Variants in VIM observed in about 807,000 individuals in gnomAD.
VIM encodes vimentin.
A neutral mutation model predicts 50.3 loss-of-function variants in VIM; 18 were observed. The ratio of observed to expected loss-of-function variants is 0.36; its 90% CI spans 0.25 to 0.53. The LOEUF is 0.53. Ranked by LOEUF, VIM falls within the 20% of genes least tolerant of loss-of-function variation. The pLI is 0.91. For synonymous variants in VIM, 245 were observed against 248.5 expected, an observed-to-expected ratio of 0.99 and a Z score of 0.13; for missense variants, 551 against 614.7, an observed-to-expected ratio of 0.90 and a Z score of 1.10.
At position 17,229,414 on chromosome 10, in the gene VIM, T is replaced by C; in HGVS notation, c.-9T>C. The C allele has an allele frequency of 6.3e-7, 1 of 1,599,126 alleles. No homozygotes were observed. On this transcript the variant is annotated 5_prime_UTR_variant, in exon 2 of 10. Transcript: ENST00000544301. ...GCCGCCGCCCAGGCCATCGCCACCC[T>C]CCGCAGCCATGTCCACCAGGTCCGT...
rs1846714795 is a variant in VIM, at chr10:17,228,358, GT to G, written c.-313del. On this transcript the variant is annotated 5_prime_UTR_variant, in exon 1 of 10. Transcript: ENST00000544301. ...TTATTAAAAACTTAGGGGCGCTCTT[GT>G]CCCCCACAGGGCCCGACCGCACACA... is the stretch of plus-strand genomic sequence containing the variant. 6.6e-6 allele frequency: 1 copy of G among 152,210 alleles called. No homozygotes were observed. The highest frequency in any genetic ancestry group is 2.4e-5 in the African/African-American group (1 of 41,442). 9.4% of individuals were successfully genotyped at this position (152,210 alleles called of 1,614,324 possible).
rs746924511 is a variant in VIM at position 17,229,944 on chromosome 10, G to C, written c.522G>C (p.Glu174Asp). The C allele has an allele frequency of 6.8e-6, 11 of 1,612,880 alleles. No individual in the cohort carries two copies. The highest frequency in any genetic ancestry group is 9.3e-6 in the Non-Finnish European group (11 of 1,179,830). The change falls in exon 2 of 10, where the codon GAG (glutamate) becomes GAC (aspartate). Residue 174 changes from glutamate (E) to aspartate (D), a missense_variant. By Grantham distance (45) the Glu-to-Asp change is conservative. Around this residue, in one of 3 missense-constraint regions of VIM, gnomAD observed 394 missense variants for 437.5 expected, o/e 0.90. Transcript: ENST00000544301. ...LTNDKARVEV[E>D]RDNLAEDIMR... ...ACGACAAAGCCCGCGTCGAGGTGGA[G>C]CGCGACAACCTGGCCGAGGACATCA...
chr10:17,230,271 C>T (rs575662812), intron 2 of VIM: 12 of 579,278 alleles, frequency 2.1e-5, no homozygotes, highest in Middle Eastern at 4.7e-4. Context: ...CAGTTGAAGG[C>T]CCTTGGGCAC....
intron 8 of VIM, 155 bp downstream of exon 8, chr10:17,236,044 GC>G: frequency 2.5e-6 from 2 of 806,176 alleles, no homozygotes; most frequent in Non-Finnish European, 4.1e-6. Flanking sequence ...GTACACTCTT[GC>G]ATTCTATGCT....
intron 5 of VIM, chr10:17,234,140 G>A (rs911920518): frequency 3.4e-6 from 2 of 590,600 alleles, no homozygotes; most frequent in Non-Finnish European, 5.7e-6. Context: ...TTATGAGACA[G>A]AGTCTTGCTC....
intron 3 of VIM, chr10:17,233,210 A>C (rs1283052094): frequency 3.3e-6 from 1 of 300,608 alleles, no homozygotes; most frequent in Admixed American, 4.8e-5. Flanking sequence ...AGCCTCCCAA[A>C]GTGCTGGGAT....
In VIM at chr10:17,235,507, T is replaced by C; in HGVS notation, c.1229+118T>C. On this transcript the variant is annotated intron_variant, in intron 7 of 9. Coordinates refer to ENST00000544301, the MANE Select transcript of VIM (RefSeq NM_003380.5). ...AGAAAGTTTCTTTGAGGTAACTGCT[T>C]TCCACTTTTTGTAGAGGAGGAATTT... The C allele has an allele frequency of 2.7e-6, 3 of 1,127,520 alleles. No individual in the cohort carries two copies. In the South Asian group the frequency reaches 3.9e-5, roughly 15 times the overall value. 69.8% of individuals were successfully genotyped at this position (1,127,520 alleles called of 1,614,324 possible).
At chr10:17,235,922 C>G (rs894650432) in intron 8 of VIM, 33 bp downstream of exon 8, 11 of 1,596,550 alleles carry the variant, frequency 6.9e-6, no homozygotes, top group Admixed American at 5.0e-5. Context: ...GGAAAAACGT[C>G]AGCTGCTTGT....
intron 1 of VIM, 185 bp from the exon 2 acceptor site, chr10:17,229,091 C>T: frequency 2.1e-6 from 1 of 470,704 alleles, no homozygotes; most frequent in Non-Finnish European, 3.8e-6. Context: ...GCTGAAGTAA[C>T]GGGACCATGC....
intron 1 of VIM, chr10:17,228,948 G>C (rs1008858094): frequency 8.7e-5 from 15 of 171,602 alleles, no homozygotes; most frequent in South Asian, 5.3e-4. Context: ...CCTTTGGCGT[G>C]GTGCCACCGG....
rs754236131 is a variant in VIM at position 17,229,529 on chromosome 10, G to C, written c.107G>C (p.Arg36Pro). 42 of 1,608,058 alleles carry C rather than the reference G, an allele frequency of 2.6e-5. No homozygotes were observed. The highest frequency in any genetic ancestry group is 3.0e-5 in the Non-Finnish European group (35 of 1,179,112). Residue 36 changes from arginine to proline, a missense_variant, in exon 2 of 10, where the codon CGC becomes CCC. By Grantham distance (103) the Arg-to-Pro change is moderately radical. Coordinates refer to ENST00000544301, the MANE Select transcript of VIM (RefSeq NM_003380.5). ...SSRSYVTTST[R>P]TYSLGSALRP... is the part of the protein sequence containing the mutation. Reference sequence around the variant, plus strand: ...CGGAGCTACGTGACTACGTCCACCCGCACCTACAGCCTGGGCAGCGCGCTG... The same window carrying C: ...CGGAGCTACGTGACTACGTCCACCCCCACCTACAGCCTGGGCAGCGCGCTG...
chr10:17,236,401 A>T (rs779811865), intron 9 of VIM, 22 bp downstream of exon 9: 146 of 1,543,700 alleles, frequency 9.5e-5, no homozygotes, highest in Non-Finnish European at 1.2e-4. Flanking sequence ...TTAAGGAAAA[A>T]ATAGGGTAAT....
At chr10:17,233,994 C>T (rs564320708) in intron 5 of VIM, 63 bp downstream of exon 5, 1 of 1,556,402 alleles carries the variant, frequency 6.4e-7, no homozygotes, top group South Asian at 1.2e-5. Context: ...AACCCCATAC[C>T]TGTGTGTGAT....
chr10:17,229,376 A>G lies in VIM; in HGVS notation c.-47A>G. ...CTCGTTCGCCTCTTCTCCGGGAGCC[A>G]GTCCGCGCCACCGCCGCCGCCCAGG... On this transcript the variant is annotated 5_prime_UTR_variant, in exon 2 of 10. Coordinates refer to ENST00000544301, the MANE Select transcript of VIM (RefSeq NM_003380.5). The G allele has an allele frequency of 2.6e-6, 4 of 1,552,646 alleles. No individual in the cohort carries two copies. The highest frequency in any genetic ancestry group is 3.5e-6 in the Non-Finnish European group (4 of 1,154,252).
rs377349430 is a variant in VIM, at chr10:17,233,817, C to T, written c.768C>T (p.Ile256=). ...QAQIQEQHVQ[I]DVDVSKPDLT... is the part of the protein sequence containing the mutation. ...AGATTCAGGAACAGCATGTCCAAATCGATGTGGATGTTTCCAAGCCTGACC... is the reference window on the plus strand; with the variant it reads ...AGATTCAGGAACAGCATGTCCAAATTGATGTGGATGTTTCCAAGCCTGACC... The change falls in exon 5 of 10, where the codon ATC becomes ATT. Residue 256 remains isoleucine (I), a synonymous_variant. Transcript: ENST00000544301. 38 of 1,614,122 alleles carry T rather than the reference C, an allele frequency of 2.4e-5. No individual in the cohort carries two copies. Among genetic ancestry groups the T allele is most frequent in the Middle Eastern group, 1.6e-4 (1 of 6,062 alleles).
At position 17,233,819 on chromosome 10, in the gene VIM, A is replaced by T; in HGVS notation, c.770A>T (p.Asp257Val). The change falls in exon 5 of 10, where the codon GAT becomes GTT. Residue 257 changes from aspartate (D) to valine (V), a missense_variant. This residue lies in a region of VIM where 394 missense variants were observed against 437.5 expected (regional missense o/e 0.90). Coordinates refer to ENST00000544301, the MANE Select transcript of VIM (RefSeq NM_003380.5). ...ATTCAGGAACAGCATGTCCAAATCG[A>T]TGTGGATGTTTCCAAGCCTGACCTC... ...AQIQEQHVQI[D>V]VDVSKPDLTA... is the part of the protein sequence containing the mutation. 6.2e-7 allele frequency: 1 copy of T among 1,614,200 alleles called. No homozygotes were observed. The highest frequency in any genetic ancestry group is 8.5e-7 in the Non-Finnish European group (1 of 1,180,038).
At chr10:17,230,197 C>A in intron 2 of VIM, 1 of 628,300 alleles carries the variant, frequency 1.6e-6, no homozygotes. Flanking sequence ...TCCTCTGTCC[C>A]CACACATTGC....
At chr10:17,233,520 C>T (rs1846830795) in intron 3 of VIM, 67 bp from the exon 4 acceptor site, 2 of 1,503,722 alleles carry the variant, frequency 1.3e-6, no homozygotes, top group Non-Finnish European at 1.8e-6. Flanking sequence ...TAATCTAAGA[C>T]AAATAAATGA....
Position 17,237,484 on chromosome 10 carries a change from T to G in VIM, c.*213T>G. 2 of 551,212 alleles carry G rather than the reference T, an allele frequency of 3.6e-6. No individual in the cohort carries two copies. The highest frequency in any genetic ancestry group is 2.9e-5 in the East Asian group (1 of 33,968). The allele number at this position is 551,212 out of a possible 1,614,324, so 34.1% of individuals were successfully genotyped here. A position where few individuals can be genotyped will look rare whatever the true frequency, so the allele number is the denominator to read the frequency against. ...TAATCTAGTTTACAGAAAAATCTTG[T>G]GCTAGAATACTTTTTAAAAGGTATT... is the stretch of plus-strand genomic sequence containing the variant. On this transcript the variant is annotated 3_prime_UTR_variant, in exon 10 of 10. Transcript: ENST00000544301.
Sources: gnomAD v4.1 joint callset for allele counts on GRCh38, gnomAD v4.1.1 for gene constraint, gnomAD v4.1.1 regional missense constraint, MANE v1.5 for transcripts, NCBI Gene and HGNC (gene_info 2026-07-23, HGNC 2026-07-21) for gene names.